The following SDK1 variants were observed in gnomAD, a reference collection of about 807,000 sequenced individuals.
The protein encoded by SDK1 is protein sidekick-1.
A neutral mutation model predicts 245.5 loss-of-function variants in SDK1; 157 were observed. The observed-to-expected ratio is 0.64, with a 90% CI of 0.56 to 0.73. SDK1 has a LOEUF of 0.73. SDK1 is among the 30% of genes least tolerant of loss of function. SDK1 has a pLI of 0.00. For synonymous variants in SDK1, 1,647 were observed against 1,278.5 expected (o/e 1.29, Z -6.15); for missense variants, 3,583 against 3,002.3 (o/e 1.19, Z -4.52).
At chr7:3,669,527 C>G (rs199678240) in intron 4 of SDK1, among the ~76,000 whole-genome samples, 8 of 62,602 alleles carry the variant, frequency 1.3e-4, no homozygotes, top group African/African-American at 3.2e-4. Flanking sequence ...AATTCAATAA[C>G]ACAACACACT....
At chr7:3,942,935 G>A (rs1235211553) in intron 5 of SDK1, among the ~76,000 whole-genome samples, 1 of 152,196 alleles carries the variant, frequency 6.6e-6, no homozygotes. Flanking sequence ...AGCATCTTTT[G>A]GTTGAGGGCA....
chr7:3,339,262 A>G (rs149122021), intron 1 of SDK1, among the ~76,000 whole-genome samples: 131 of 152,352 alleles, frequency 8.6e-4, no homozygotes, highest in African/African-American at 2.9e-3. Flanking sequence ...CACACCAAAC[A>G]GAACCTCAAG....
At chr7:3,418,085 G>A (rs1779425652) in intron 1 of SDK1, among the ~76,000 whole-genome samples, 1 of 144,720 alleles carries the variant, frequency 6.9e-6, no homozygotes, top group Admixed American at 6.9e-5. Context: ...CTGATCACTT[G>A]AGGTCAGGAA....
intron 4 of SDK1, among the ~76,000 whole-genome samples, chr7:3,808,252 A>G (rs1428112176): frequency 6.6e-6 from 1 of 152,170 alleles, no homozygotes; most frequent in East Asian, 1.9e-4. Context: ...GTAGAGAAGA[A>G]GAGTTGACGG....
chr7:3,843,590 A>G (rs1200665804), intron 5 of SDK1, among the ~76,000 whole-genome samples: 1 of 151,830 alleles, frequency 6.6e-6, no homozygotes, highest in Non-Finnish European at 1.5e-5. Context: ...GATGGAAATT[A>G]ATTAGTTTCT....
intron 32 of SDK1, among the ~76,000 whole-genome samples, chr7:4,167,778 C>T (rs370491137): frequency 1.3e-5 from 2 of 152,228 alleles, no homozygotes; most frequent in Non-Finnish European, 2.9e-5. Flanking sequence ...TGGTGCAAAG[C>T]GAACCTTTTG....
chr7:3,915,871 T>G (rs1779357896), intron 5 of SDK1, among the ~76,000 whole-genome samples: 1 of 152,196 alleles, frequency 6.6e-6, no homozygotes, highest in Non-Finnish European at 1.5e-5. Flanking sequence ...TTTTACTTAC[T>G]TTTTTATTTA....
At chr7:3,566,779 C>G (rs1284131862) in intron 1 of SDK1, among the ~76,000 whole-genome samples, 1 of 148,294 alleles carries the variant, frequency 6.7e-6, no homozygotes, top group Non-Finnish European at 1.5e-5. Flanking sequence ...TATGACCACA[C>G]ACTTCACAAA....
chr7:3,583,173 G>A (rs1383418841), intron 1 of SDK1, among the ~76,000 whole-genome samples: 2 of 152,306 alleles, frequency 1.3e-5, no homozygotes, highest in Non-Finnish European at 1.5e-5. Flanking sequence ...GCAGCAGCTC[G>A]ACCTTGTTTA....
intron 4 of SDK1, among the ~76,000 whole-genome samples, chr7:3,767,522 G>T (rs895303123): frequency 6.6e-6 from 1 of 151,274 alleles, no homozygotes; most frequent in Non-Finnish European, 1.5e-5. Context: ...TGAAATTCAT[G>T]ATAGCTAACA....
At chr7:3,669,523 A>G (rs911769285) in intron 4 of SDK1, among the ~76,000 whole-genome samples, 1 of 127,738 alleles carries the variant, frequency 7.8e-6, no homozygotes, top group Non-Finnish European at 1.6e-5. Context: ...TTTGAATTCA[A>G]TAACACAACA....
At chr7:3,797,458 T>TACACAC (rs34376723) in intron 4 of SDK1, among the ~76,000 whole-genome samples, 95 of 147,598 alleles carry the variant, frequency 6.4e-4, no homozygotes, top group African/African-American at 2.2e-3. Flanking sequence ...GGGGTGTGTA[T>TACACAC]ACACACACAC....
intron 4 of SDK1, among the ~76,000 whole-genome samples, chr7:3,681,426 TC>T (rs1446028155): frequency 6.6e-6 from 1 of 152,212 alleles, no homozygotes; most frequent in African/African-American, 2.4e-5. Context: ...CCTGTACACA[TC>T]CCTGGTGTAC....
chr7:3,476,012 C>T (rs1276888683), intron 1 of SDK1: 1 of 152,616 alleles, frequency 6.6e-6, no homozygotes, highest in African/African-American at 2.4e-5. Flanking sequence ...GTAATTAAAA[C>T]TTTTCCTATT....
In SDK1 at chr7:3,818,002, G is replaced by A. The variant is rs549445683; in HGVS notation, c.714-3448G>A. ...TGCTTATAATTCGTACCTCAGGACC[G>A]GTTAGCTTGTTCTTTATGATGTAGC... On this transcript the variant is annotated intron_variant, in intron 4 of 44. Transcript: ENST00000404826. 6.6e-5 allele frequency among the ~76,000 whole-genome samples: 10 copies of A among 152,294 alleles called. No homozygotes were observed. The East Asian group carries it at 1.9e-3, about 29-fold the overall frequency.
intron 5 of SDK1, among the ~76,000 whole-genome samples, chr7:3,929,151 G>A (rs1318076000): frequency 1.3e-5 from 2 of 152,212 alleles, no homozygotes; most frequent in Non-Finnish European, 2.9e-5. Context: ...ATTTGTCCTT[G>A]CCCTTGGTTA....
At chr7:3,458,965 TAAGTTTCCATGTA>T (rs766708874) in intron 1 of SDK1, among the ~76,000 whole-genome samples, 40 of 152,320 alleles carry the variant, frequency 2.6e-4, no homozygotes, top group Non-Finnish European at 4.9e-4. Flanking sequence ...GAAAGAGTTT[TAAGTTTCCATGTA>T]AAGTTTCCAT....
At chr7:4,210,279 G>C in intron 38 of SDK1, 117 bp downstream of exon 38, 1 of 1,114,634 alleles carries the variant, frequency 9.0e-7, no homozygotes, top group South Asian at 2.6e-5. Flanking sequence ...TCTGGCGCCT[G>C]AAGTGGGGGG....
chr7:3,746,053 G>C (rs975133217), intron 4 of SDK1, among the ~76,000 whole-genome samples: 2 of 152,110 alleles, frequency 1.3e-5, no homozygotes, highest in African/African-American at 4.8e-5. Flanking sequence ...ACTGAGTTGA[G>C]AGGATTAAAG....
Sources: allele counts gnomAD v4.1 joint callset (sites outside exome capture counted in the v4.1 genomes callset), GRCh38; gene constraint gnomAD v4.1.1; transcripts MANE v1.5; gene names NCBI Gene and HGNC (gene_info 2026-07-23, HGNC 2026-07-21).